Variants in GPBP1 observed in about 807,000 individuals in gnomAD.
GPBP1 encodes vasculin.
Under a neutral mutation model 56.5 loss-of-function variants are expected in GPBP1, and 13 were observed. The observed-to-expected ratio is 0.23, with a 90% CI of 0.15 to 0.37. The LOEUF is 0.37. Ranked by LOEUF, GPBP1 falls within the 10% of genes least tolerant of loss-of-function variation. The pLI is 1.00. For synonymous variants in GPBP1, 204 were observed against 188.9 expected (o/e 1.08, Z -0.66); for missense variants, 477 against 572.3 (o/e 0.83, Z 1.70).
chr5:57,192,845 C>T (rs553794232), intron 2 of GPBP1, among the ~76,000 whole-genome samples: 19 of 151,786 alleles, frequency 1.3e-4, no homozygotes, highest in Admixed American at 4.6e-4. Context: ...TCTGATGTAT[C>T]CTATGTTACT....
chr5:57,193,279 G>A lies in GPBP1; in HGVS notation c.-58+16879G>A, dbSNP rs528392199. 4.3e-4 allele frequency among the ~76,000 whole-genome samples: 65 copies of A among 152,194 alleles called. 1 individual carries two copies. Among genetic ancestry groups the A allele is most frequent in the Admixed American group, 1.9e-3 (29 of 15,276 alleles). Reference sequence around the variant, plus strand: ...TGCAGTGAGCCGAGATCGAGCCCTTGTGCTCTCGCCTGGGTGACAAGAGTG... The same window carrying A: ...TGCAGTGAGCCGAGATCGAGCCCTTATGCTCTCGCCTGGGTGACAAGAGTG... On this transcript the variant is annotated intron_variant, in intron 2 of 11. Transcript: ENST00000506184.
intron 2 of GPBP1, among the ~76,000 whole-genome samples, chr5:57,200,360 ATTTTTTTTTTT>A (rs70999063): frequency 2.9e-5 from 2 of 69,826 alleles, no homozygotes; most frequent in South Asian, 5.4e-4. Context: ...ATAAGTTTGA[ATTTTTTTTTTT>A]TTTTTTTTTT....
chr5:57,226,960 C>G (rs529127374), intron 3 of GPBP1, among the ~76,000 whole-genome samples: 1 of 151,924 alleles, frequency 6.6e-6, no homozygotes, highest in Non-Finnish European at 1.5e-5. Flanking sequence ...AGGATGATCT[C>G]GATCTCCTGA....
chr5:57,206,523 C>G (rs886648385), intron 2 of GPBP1, among the ~76,000 whole-genome samples: 2 of 152,146 alleles, frequency 1.3e-5, no homozygotes, highest in Admixed American at 1.3e-4. Context: ...CTCAGCCTCC[C>G]AAGTAACTGG....
Position 57,175,462 on chromosome 5 carries a change from C to G in GPBP1, c.-996C>G, listed in dbSNP as rs1025114487. 2.5e-6 allele frequency: 1 copy of G among 398,336 alleles called. No individual in the cohort carries two copies. The highest frequency in any genetic ancestry group is 2.1e-5 in the African/African-American group (1 of 48,586). The allele number at this position is 398,336 out of a possible 1,614,324, so 24.7% of individuals were successfully genotyped here. A position where few individuals can be genotyped will look rare whatever the true frequency, so the allele number is the denominator to read the frequency against. ...AACTTTTACAGGTGATTGAATTACT[C>G]AGATATGAAGATCATCATCTAGGTT... On this transcript the variant is annotated 5_prime_UTR_variant, in exon 2 of 12. Coordinates refer to ENST00000506184, the MANE Select transcript of GPBP1 (RefSeq NM_022913.4).
chr5:57,202,833 A>G (rs562751171), intron 2 of GPBP1, among the ~76,000 whole-genome samples: 15 of 152,220 alleles, frequency 9.9e-5, no homozygotes, highest in East Asian at 1.9e-4. Context: ...TAGCTGTTCA[A>G]TAAATGAGTT....
At position 57,175,632 on chromosome 5, in the gene GPBP1, A is replaced by G. The variant is rs967060761; in HGVS notation, c.-826A>G. 1 of 396,926 alleles carries G rather than the reference A, an allele frequency of 2.5e-6. No homozygotes were observed. Among genetic ancestry groups the G allele is most frequent in the Non-Finnish European group, 4.4e-6 (1 of 225,406 alleles). 24.6% of individuals were successfully genotyped at this position (396,926 alleles called of 1,614,324 possible). On this transcript the variant is annotated 5_prime_UTR_variant, in exon 2 of 12. Coordinates refer to ENST00000506184, the MANE Select transcript of GPBP1 (RefSeq NM_022913.4). ...AGTGAACAATTCAGCAAGCTACTTA[A>G]AAAGAGACCCAGGCAGCATTTCTTC...
intron 2 of GPBP1, among the ~76,000 whole-genome samples, chr5:57,179,301 T>C (rs1753935247): frequency 1.3e-5 from 2 of 152,276 alleles, no homozygotes; most frequent in Admixed American, 1.3e-4. Flanking sequence ...ATTACTGTTT[T>C]GCTATTTGCA....
intron 7 of GPBP1, 97 bp from the exon 8 acceptor site, chr5:57,246,978 C>T (rs1561370499): frequency 3.0e-6 from 3 of 999,100 alleles, no homozygotes; most frequent in Admixed American, 2.5e-5. Flanking sequence ...TTCCATGAGC[C>T]TAGCGTAGTC....
Position 57,258,411 on chromosome 5 carries a change from A to C in GPBP1, c.1161-2769A>C, listed in dbSNP as rs558137643. 7.4e-4 allele frequency among the ~76,000 whole-genome samples: 113 copies of C among 152,300 alleles called. 2 individuals are homozygous for C. Among genetic ancestry groups the C allele is most frequent in the Non-Finnish European group, 1.5e-3 (100 of 68,028 alleles). On this transcript the variant is annotated intron_variant, in intron 10 of 11. Coordinates refer to ENST00000506184, the MANE Select transcript of GPBP1 (RefSeq NM_022913.4). ...TATAGACTGTTATTTCTAGGCTACAAACCTGTATAGCATGTTACTGTACTG... is the reference window on the plus strand; with the variant it reads ...TATAGACTGTTATTTCTAGGCTACACACCTGTATAGCATGTTACTGTACTG...
chr5:57,230,470 A>G (rs1048620707), intron 3 of GPBP1, among the ~76,000 whole-genome samples: 4 of 152,134 alleles, frequency 2.6e-5, no homozygotes, highest in African/African-American at 4.8e-5. Flanking sequence ...TCATTTGACA[A>G]TTTTTCTCTG....
At chr5:57,205,420 T>C (rs1430974700) in intron 2 of GPBP1, among the ~76,000 whole-genome samples, 1 of 152,216 alleles carries the variant, frequency 6.6e-6, no homozygotes, top group Non-Finnish European at 1.5e-5. Context: ...TCAATTCTTC[T>C]GTGTATATAC....
At chr5:57,178,194 C>T (rs762538256) in intron 2 of GPBP1, among the ~76,000 whole-genome samples, 2 of 152,140 alleles carry the variant, frequency 1.3e-5, no homozygotes, top group Non-Finnish European at 2.9e-5. Flanking sequence ...TTAAGTTGAA[C>T]TGGAGTCAAA....
At chr5:57,223,827 G>GTTTAT (rs971469178) in intron 3 of GPBP1, among the ~76,000 whole-genome samples, 25 of 149,378 alleles carry the variant, frequency 1.7e-4, no homozygotes, top group South Asian at 8.4e-4. Context: ...ATATATATTT[G>GTTTAT]TTTATTTTAT....
intron 1 of GPBP1, among the ~76,000 whole-genome samples, chr5:57,175,203 G>GTA (rs1753746242): frequency 6.6e-6 from 1 of 152,106 alleles, no homozygotes; most frequent in Non-Finnish European, 1.5e-5. Flanking sequence ...CCCTTCCCAG[G>GTA]TGAAATCTGC....
intron 1 of GPBP1, among the ~76,000 whole-genome samples, chr5:57,174,541 C>T (rs1411397940): frequency 6.6e-6 from 1 of 152,184 alleles, no homozygotes; most frequent in African/African-American, 2.4e-5. Flanking sequence ...TTCCTTCCCC[C>T]GGCCTCTTGC....
chr5:57,197,237 A>G (rs1391783887), intron 2 of GPBP1, among the ~76,000 whole-genome samples: 1 of 152,058 alleles, frequency 6.6e-6, no homozygotes, highest in Non-Finnish European at 1.5e-5. Flanking sequence ...AGGCTTTCCT[A>G]CACATTGTCC....
chr5:57,210,536 C>T (rs531631390), intron 2 of GPBP1, among the ~76,000 whole-genome samples: 30 of 152,018 alleles, frequency 2.0e-4, no homozygotes, highest in South Asian at 1.5e-3. Flanking sequence ...TGTTGATTTG[C>T]CTTTTTTGAG....
At chr5:57,244,727 A>ATTTTTTTTTTTTTT (rs532660984) in intron 6 of GPBP1, among the ~76,000 whole-genome samples, 3 of 93,156 alleles carry the variant, frequency 3.2e-5, no homozygotes, top group African/African-American at 8.8e-5. Context: ...TTTGTTTGAG[A>ATTTTTTTTTTTTTT]TTTTTTTTTT....
Sources: gnomAD v4.1 joint callset for allele counts (sites outside exome capture counted in the v4.1 genomes callset) on GRCh38, gnomAD v4.1.1 for gene constraint, MANE v1.5 for transcripts, NCBI Gene and HGNC (gene_info 2026-07-23, HGNC 2026-07-21) for gene names.